FRY: variants seen among roughly 807,000 people sequenced by gnomAD.
The protein encoded by FRY is protein furry homolog.
Under a neutral mutation model 348.4 loss-of-function variants are expected in FRY, and 128 were observed. The observed-to-expected ratio is 0.37, with a 90% confidence interval of 0.32 to 0.43. FRY has a LOEUF of 0.43. FRY is among the 20% of genes least tolerant of loss of function. FRY has a pLI of 1.00. For missense variants in FRY, 2,736 were observed against 3,695.2 expected, an observed-to-expected ratio of 0.74 and a Z score of 6.73; for synonymous variants, 1,370 against 1,374.7, an observed-to-expected ratio of 1.00 and a Z score of 0.08.
chr13:32,117,832 C>T (rs923846619), intron 4 of FRY, among the ~76,000 whole-genome samples: 14 of 152,188 alleles, frequency 9.2e-5, no homozygotes, highest in African/African-American at 3.4e-4. Context: ...TTTTAGTCCT[C>T]GTTCCAGTAA....
chr13:32,258,705 C>G (rs1887467953), intron 51 of FRY, among the ~76,000 whole-genome samples: 1 of 149,592 alleles, frequency 6.7e-6, no homozygotes, highest in South Asian at 2.1e-4. Flanking sequence ...GAATTAAAGG[C>G]TATCTCTATC....
At chr13:32,052,542 A>G (rs1207512088) in intron 1 of FRY, among the ~76,000 whole-genome samples, 1 of 152,224 alleles carries the variant, frequency 6.6e-6, no homozygotes, top group Admixed American at 6.5e-5. Flanking sequence ...CTAAAATGTT[A>G]TTTCAACATG....
intron 1 of FRY, among the ~76,000 whole-genome samples, chr13:32,066,673 T>A (rs966406894): frequency 6.6e-6 from 1 of 152,142 alleles, no homozygotes; most frequent in Admixed American, 6.5e-5. Context: ...GTAGGTGCAG[T>A]CATCTTTTAG....
chr13:32,285,286 C>G (rs114827), intron 58 of FRY, among the ~76,000 whole-genome samples: 31,649 of 151,988 alleles, frequency 0.21, 4,156 homozygotes, highest in Middle Eastern at 0.3. Context: ...ATAAAATGGC[C>G]CCCCAGAAAG....
intron 31 of FRY, among the ~76,000 whole-genome samples, chr13:32,206,986 A>G (rs1044397338): frequency 6.6e-6 from 1 of 152,130 alleles, no homozygotes; most frequent in Non-Finnish European, 1.5e-5. Context: ...TTGCATGTCT[A>G]TGGCATTTTT....
Position 32,061,758 on chromosome 13 carries a change from T to C in FRY, c.71-17076T>C, listed in dbSNP as rs530703171. Among the ~76,000 whole-genome samples, 19 of 152,356 alleles carry C rather than the reference T, an allele frequency of 1.2e-4. No individual in the cohort carries two copies. The South Asian group carries it at 2.9e-3, about 23-fold the overall frequency. ...TTAACTGACATTAAATGGGTCCAAA[T>C]TGCATGCCACTGCTTTTCCTTTATC... is the stretch of plus-strand genomic sequence containing the variant. On this transcript the variant is annotated intron_variant, in intron 1 of 60. Coordinates refer to ENST00000542859, the MANE Select transcript of FRY (RefSeq NM_023037.3).
chr13:32,292,085 C>A (rs749098961), intron 59 of FRY: 4 of 428,752 alleles, frequency 9.3e-6, no homozygotes, highest in East Asian at 7.5e-5. Flanking sequence ...CAGGTTCAAA[C>A]GATTCTCCTG....
rs1002187194 is a variant in FRY, at chr13:32,297,056, C to T, written c.*1596C>T. The stretch of plus-strand genomic sequence containing the variant: ...AAACATGTAACAATCTCATTTATGC[C>T]GTCTTTCTACTCATATTTTACATGG... On this transcript the variant is annotated 3_prime_UTR_variant, in exon 61 of 61. Coordinates refer to ENST00000542859, the MANE Select transcript of FRY (RefSeq NM_023037.3). 6.6e-6 allele frequency: 1 copy of T among 152,236 alleles called. No homozygotes were observed. 9.4% of individuals were successfully genotyped at this position (152,236 alleles called of 1,614,324 possible).
chr13:32,169,432 G>A (rs192336635), intron 17 of FRY, among the ~76,000 whole-genome samples: 22 of 152,280 alleles, frequency 1.4e-4, no homozygotes, highest in African/African-American at 5.3e-4. Context: ...TGACCCTCAC[G>A]ACAGGTTTAT....
At chr13:32,146,773 C>T (rs1001966846) in intron 11 of FRY, among the ~76,000 whole-genome samples, 3 of 152,134 alleles carry the variant, frequency 2.0e-5, no homozygotes, top group African/African-American at 7.2e-5. Context: ...TTGTGAACAT[C>T]TTAAGGGAAA....
intron 51 of FRY, among the ~76,000 whole-genome samples, chr13:32,257,689 A>G (rs1887409904): frequency 6.6e-6 from 1 of 152,236 alleles, no homozygotes; most frequent in African/African-American, 2.4e-5. Context: ...CAGAGGTAGA[A>G]AGCTATTTCA....
At chr13:32,201,815 CG>C in intron 29 of FRY, 125 bp from the exon 30 acceptor site, 1 of 692,022 alleles carries the variant, frequency 1.4e-6, no homozygotes, top group Non-Finnish European at 2.6e-6. Context: ...AATGGCCAGA[CG>C]GGGGTAAGAA....
chr13:32,267,974 T>C (rs1888003837), intron 55 of FRY, among the ~76,000 whole-genome samples: 1 of 152,172 alleles, frequency 6.6e-6, no homozygotes, highest in Non-Finnish European at 1.5e-5. Context: ...CCACTGTCCA[T>C]AGTGTCTTTG....
chr13:32,204,093 G>GTA (rs1159354469), intron 31 of FRY, among the ~76,000 whole-genome samples: 6 of 152,152 alleles, frequency 3.9e-5, no homozygotes, highest in African/African-American at 1.4e-4. Context: ...ATAAACCCTG[G>GTA]TATAGTACAG....
intron 58 of FRY, 31 bp from the exon 59 acceptor site, chr13:32,289,602 C>A: frequency 7.9e-7 from 1 of 1,261,394 alleles, no homozygotes. Flanking sequence ...TTAACAATAA[C>A]TGTTTCTTCC....
rs138344482 is a variant in FRY, at chr13:32,148,044, G to A, written c.1392+97G>A. The A allele has an allele frequency of 2.3e-3, 1,792 of 782,996 alleles. 28 individuals are homozygous for A. In the African/African-American group the frequency reaches 0.027, roughly 12 times the overall value. The allele number at this position is 782,996 out of a possible 1,614,324, so 48.5% of individuals were successfully genotyped here. On this transcript the variant is annotated intron_variant, in intron 13 of 60. Coordinates refer to ENST00000542859, the MANE Select transcript of FRY (RefSeq NM_023037.3). ...ACTAAAAGACGGAAAGTCTAAATTA[G>A]CATCTTACGTGTTTAGACTTCTGTG... is the stretch of plus-strand genomic sequence containing the variant.
Position 32,076,799 on chromosome 13 carries a change from G to C in FRY, c.71-2035G>C, listed in dbSNP as rs367893524. Among the ~76,000 whole-genome samples, 9 of 152,294 alleles carry C rather than the reference G, an allele frequency of 5.9e-5. No homozygotes were observed. The East Asian group carries it at 9.7e-4, about 16-fold the overall frequency. On this transcript the variant is annotated intron_variant, in intron 1 of 60. Transcript: ENST00000542859. ...CTACAGTCTTATTAGGGAACTTTTA[G>C]GAGATATAGCTAGAAGAGTATATGG...
chr13:32,069,348 C>G (rs1279656972), intron 1 of FRY, among the ~76,000 whole-genome samples: 1 of 152,144 alleles, frequency 6.6e-6, no homozygotes, highest in East Asian at 1.9e-4. Flanking sequence ...ATTAGTCTTT[C>G]CGGAAAGTAT....
In FRY at chr13:32,152,155, TAAC is replaced by T. The variant is rs539789402; in HGVS notation, c.1479+2327_1479+2329del. On this transcript the variant is annotated intron_variant, in intron 14 of 60. Transcript: ENST00000542859. ...AACTGTAGATTGAATGACTCGCTGTTAACAACAAGAGGTCAGTTGTCCCCAAAT... is the reference window on the plus strand; with the variant it reads ...AACTGTAGATTGAATGACTCGCTGTTAACAAGAGGTCAGTTGTCCCCAAAT... 7.9e-4 allele frequency among the ~76,000 whole-genome samples: 121 copies of T among 152,342 alleles called. 1 individual carries two copies. In the Middle Eastern group the frequency reaches 0.027, roughly 34 times the overall value.
Sources: gnomAD v4.1 joint callset for allele counts (sites outside exome capture counted in the v4.1 genomes callset) on GRCh38, gnomAD v4.1.1 for gene constraint, MANE v1.5 for transcripts, NCBI Gene and HGNC (gene_info 2026-07-23, HGNC 2026-07-21) for gene names.